Variants in DOK6 observed in about 807,000 individuals in gnomAD.
DOK6 encodes downstream of tyrosine kinase 6.
Under a neutral mutation model 44.0 loss-of-function variants are expected in DOK6, and 22 were observed. The ratio of observed to expected loss-of-function variants is 0.50; its 90% CI spans 0.36 to 0.71. The LOEUF is 0.71. Among genes scored for constraint, DOK6 ranks in the 30% least tolerant of loss-of-function variants. The probability of loss-of-function intolerance (pLI) is 0.00; values close to 1 mark genes in which losing one functional copy is unlikely to be tolerated. For missense variants in DOK6, 340 were observed against 416.4 expected (o/e 0.82, Z 1.60); for synonymous variants, 166 against 145.5 (o/e 1.14, Z -1.01).
chr18:69,518,739 A>C (rs1981603631), intron 1 of DOK6, among the ~76,000 whole-genome samples: 1 of 151,836 alleles, frequency 6.6e-6, no homozygotes, highest in Non-Finnish European at 1.5e-5. Flanking sequence ...AACATTTCTA[A>C]AAAATATGTA....
In DOK6 at chr18:69,561,373, T is replaced by C. The variant is rs1003542215; in HGVS notation, c.67-3114T>C. Among the ~76,000 whole-genome samples the C allele has an allele frequency of 2.6e-5, 4 of 152,192 alleles. 1 individual carries two copies. Among genetic ancestry groups the C allele is most frequent in the African/African-American group, 9.6e-5 (4 of 41,458 alleles). On this transcript the variant is annotated intron_variant, in intron 1 of 7. Transcript: ENST00000382713. Reference sequence around the variant, plus strand: ...TACCACTTGAAATGTAATTACTTCATTTAAGTTCAAAAGCAGAATTCTACA... The same window carrying C: ...TACCACTTGAAATGTAATTACTTCACTTAAGTTCAAAAGCAGAATTCTACA...
chr18:69,438,449 T>C (rs1979045318), intron 1 of DOK6, among the ~76,000 whole-genome samples: 1 of 152,218 alleles, frequency 6.6e-6, no homozygotes, highest in African/African-American at 2.4e-5. Context: ...TTAGTTATCT[T>C]GCTATTTCTA....
intron 5 of DOK6, among the ~76,000 whole-genome samples, chr18:69,719,940 T>C (rs1986969069): frequency 6.6e-6 from 1 of 152,120 alleles, no homozygotes; most frequent in South Asian, 2.1e-4. Context: ...CACCGAATCA[T>C]GCACTTTGGG....
At chr18:69,491,739 C>T (rs1178099343) in intron 1 of DOK6, among the ~76,000 whole-genome samples, 3 of 152,172 alleles carry the variant, frequency 2.0e-5, no homozygotes, top group Non-Finnish European at 4.4e-5. Context: ...TGACACAAGA[C>T]TATGGCCTTG....
intron 5 of DOK6, among the ~76,000 whole-genome samples, chr18:69,700,746 G>T (rs1160846892): frequency 2.0e-5 from 3 of 152,130 alleles, no homozygotes; most frequent in Non-Finnish European, 4.4e-5. Context: ...GGAAGGTCTT[G>T]TCCATACTTG....
At chr18:69,763,513 T>C (rs901616369) in intron 7 of DOK6, among the ~76,000 whole-genome samples, 2 of 152,180 alleles carry the variant, frequency 1.3e-5, no homozygotes, top group African/African-American at 4.8e-5. Flanking sequence ...TTCATACAAT[T>C]GTATTTCCAA....
At chr18:69,625,920 A>G (rs1316243434) in intron 3 of DOK6, among the ~76,000 whole-genome samples, 1 of 152,264 alleles carries the variant, frequency 6.6e-6, no homozygotes, top group Non-Finnish European at 1.5e-5. Flanking sequence ...TTTCATGAGT[A>G]GAACCAGGGG....
rs527306938 is a variant in DOK6, at chr18:69,423,165, T to C, written c.66+21855T>C. Reference sequence around the variant, plus strand: ...GAAGAATACAAAAATTAGCCAGTCATGGTGGTGAACACCTGTAGCCCAGCC... The same window carrying C: ...GAAGAATACAAAAATTAGCCAGTCACGGTGGTGAACACCTGTAGCCCAGCC... On this transcript the variant is annotated intron_variant, in intron 1 of 7. Coordinates refer to ENST00000382713, the MANE Select transcript of DOK6 (RefSeq NM_152721.6). 5.3e-5 allele frequency among the ~76,000 whole-genome samples: 8 copies of C among 152,244 alleles called. No homozygotes were observed. In the South Asian group the frequency reaches 1.7e-3, roughly 32 times the overall value.
chr18:69,795,300 G>T (rs1188834238), intron 7 of DOK6, among the ~76,000 whole-genome samples: 1 of 152,014 alleles, frequency 6.6e-6, no homozygotes, highest in African/African-American at 2.4e-5. Flanking sequence ...CCAGACGATG[G>T]CAAAGGCTGT....
chr18:69,821,862 T>C (rs77587466), intron 7 of DOK6, among the ~76,000 whole-genome samples: 3,723 of 152,180 alleles, frequency 0.024, 82 homozygotes, highest in Non-Finnish European at 0.039. Context: ...TCTATGGGTC[T>C]TATGAGAAAT....
rs529440106 is a variant in DOK6, at chr18:69,775,265, C to T, written c.856+17392C>T. On this transcript the variant is annotated intron_variant, in intron 7 of 7. Coordinates refer to ENST00000382713, the MANE Select transcript of DOK6 (RefSeq NM_152721.6). ...CTAAAGAAAATAAATAATGGATGTA[C>T]GTAATGGAAAATAAATTTGAACTCA... is the stretch of plus-strand genomic sequence containing the variant. Among the ~76,000 whole-genome samples, 34 of 151,856 alleles carry T rather than the reference C, an allele frequency of 2.2e-4. 2 individuals carry two copies. In the South Asian group the frequency reaches 6.2e-3, roughly 28 times the overall value.
intron 1 of DOK6, among the ~76,000 whole-genome samples, chr18:69,547,935 TA>T (rs895192510): frequency 3.1e-4 from 43 of 140,760 alleles, no homozygotes; most frequent in African/African-American, 1.0e-3. Context: ...ATATATAATA[TA>T]TATATAATAT....
intron 1 of DOK6, among the ~76,000 whole-genome samples, chr18:69,487,022 G>A (rs894367875): frequency 1.3e-5 from 2 of 152,064 alleles, no homozygotes; most frequent in African/African-American, 4.8e-5. Context: ...AGGGTTGTAA[G>A]TTTCCCAACC....
In DOK6 at chr18:69,757,972, T is replaced by C. The variant is rs1179967502; in HGVS notation, c.856+99T>C. The C allele has an allele frequency of 3.0e-6, 3 of 1,004,512 alleles. No homozygotes were observed. The East Asian group carries it at 7.2e-5, about 24-fold the overall frequency. 62.2% of individuals were successfully genotyped at this position (1,004,512 alleles called of 1,614,324 possible). On this transcript the variant is annotated intron_variant, in intron 7 of 7. Transcript: ENST00000382713. ...TTGTATTTGCATTGCTTGCTTTTCCTCCCATTCCCATTTATCAGCTGTCAC... is the reference window on the plus strand; with the variant it reads ...TTGTATTTGCATTGCTTGCTTTTCCCCCCATTCCCATTTATCAGCTGTCAC...
At chr18:69,405,986 T>C (rs1916199794) in intron 1 of DOK6, among the ~76,000 whole-genome samples, 1 of 152,248 alleles carries the variant, frequency 6.6e-6, no homozygotes, top group Admixed American at 6.5e-5. Flanking sequence ...GTGGTATCTA[T>C]GTTTATTTAT....
At chr18:69,494,745 A>C (rs905036565) in intron 1 of DOK6, among the ~76,000 whole-genome samples, 14 of 152,192 alleles carry the variant, frequency 9.2e-5, no homozygotes, top group African/African-American at 2.2e-4. Context: ...TTTCTCAAAA[A>C]CTTAAATGAT....
intron 1 of DOK6, among the ~76,000 whole-genome samples, chr18:69,442,969 A>T (rs1486131769): frequency 1.3e-5 from 2 of 152,156 alleles, no homozygotes; most frequent in African/African-American, 4.8e-5. Flanking sequence ...TGTTTAATTT[A>T]TTTACAAATA....
Position 69,528,880 on chromosome 18 carries a change from A to AT in DOK6, c.67-35603dup, listed in dbSNP as rs377459961. ...CTAAACAAGGTGAAAACAGAAGTGA[A>AT]TTTTCCTTGCCCTGACAGGTCCACA... is the stretch of plus-strand genomic sequence containing the variant. On this transcript the variant is annotated intron_variant, in intron 1 of 7. Coordinates refer to ENST00000382713, the MANE Select transcript of DOK6 (RefSeq NM_152721.6). Among the ~76,000 whole-genome samples, 555 of 152,266 alleles carry AT rather than the reference A, an allele frequency of 3.6e-3. 6 individuals are homozygous for AT. Among genetic ancestry groups the AT allele is most frequent in the Middle Eastern group, 0.014 (4 of 294 alleles).
At chr18:69,623,119 G>A (rs1984481315) in intron 3 of DOK6, among the ~76,000 whole-genome samples, 1 of 152,142 alleles carries the variant, frequency 6.6e-6, no homozygotes, top group Non-Finnish European at 1.5e-5. Flanking sequence ...TTGAAAGTGT[G>A]TAGGCCTTAC....
Sources: gnomAD v4.1 joint callset for allele counts (sites outside exome capture counted in the v4.1 genomes callset) on GRCh38, gnomAD v4.1.1 for gene constraint, MANE v1.5 for transcripts, NCBI Gene and HGNC (gene_info 2026-07-23, HGNC 2026-07-21) for gene names.